XYLT1: variants seen among roughly 807,000 people sequenced by gnomAD.
The protein encoded by XYLT1 is xylosyltransferase 1.
XYLT1 carries 36 observed loss-of-function variants against 91.3 expected under a neutral mutation model. The ratio of observed to expected loss-of-function variants is 0.39; its 90% CI spans 0.30 to 0.52. The LOEUF (loss-of-function observed/expected upper bound fraction) is 0.52. Among genes scored for constraint, XYLT1 ranks in the 20% least tolerant of loss-of-function variants. XYLT1 has a pLI of 0.68. For missense variants in XYLT1, 1,242 were observed against 1,284.5 expected (o/e 0.97, Z 0.51); for synonymous variants, 588 against 532.0 (o/e 1.11, Z -1.45).
rs555601263 is a variant in XYLT1 at position 17,240,387 on chromosome 16, A to G, written c.913+18601T>C. Reference sequence around the variant, plus strand: ...GGCAAGTCTTCAGCAGACGAGCCACACAGTTCCAAGTACATCTTAAGAAGC... The same window carrying G: ...GGCAAGTCTTCAGCAGACGAGCCACGCAGTTCCAAGTACATCTTAAGAAGC... On this transcript the variant is annotated intron_variant, in intron 3 of 11. Coordinates refer to ENST00000261381, the MANE Select transcript of XYLT1 (RefSeq NM_022166.4). 3.9e-5 allele frequency among the ~76,000 whole-genome samples: 6 copies of G among 152,342 alleles called. No individual in the cohort carries two copies. In the South Asian group the frequency reaches 1.2e-3, roughly 32 times the overall value.
chr16:17,129,658 A>C (rs1187667392), intron 9 of XYLT1, among the ~76,000 whole-genome samples: 2 of 152,176 alleles, frequency 1.3e-5, no homozygotes, highest in Admixed American at 6.5e-5. Flanking sequence ...ACTTTGGGAA[A>C]GCTGTCTCCC....
At chr16:17,379,763 T>TCTCACACACACACACACACACACA (rs373354877) in intron 1 of XYLT1, among the ~76,000 whole-genome samples, 10 of 125,622 alleles carry the variant, frequency 8.0e-5, no homozygotes, top group Admixed American at 3.2e-4. Flanking sequence ...TCTCTCTCTC[T>TCTCACACACACACACACACACACA]CACACACACA....
intron 2 of XYLT1, among the ~76,000 whole-genome samples, chr16:17,271,220 AAC>A (rs1467246548): frequency 1.3e-5 from 2 of 152,168 alleles, no homozygotes; most frequent in Admixed American, 6.5e-5. Flanking sequence ...TTACTATTTG[AAC>A]ACAGTTTGCC....
chr16:17,236,921 A>G (rs1263223315), intron 3 of XYLT1, among the ~76,000 whole-genome samples: 1 of 152,126 alleles, frequency 6.6e-6, no homozygotes, highest in Non-Finnish European at 1.5e-5. Flanking sequence ...GGCCACATTC[A>G]CAAGTCCTGG....
intron 3 of XYLT1, among the ~76,000 whole-genome samples, chr16:17,255,334 A>T (rs2033615473): frequency 6.6e-6 from 1 of 152,166 alleles, no homozygotes; most frequent in South Asian, 2.1e-4. Flanking sequence ...ATGGGAACAT[A>T]GCGCATTTGT....
At chr16:17,115,800 TAA>T (rs71137969) in intron 11 of XYLT1, among the ~76,000 whole-genome samples, 3 of 50,316 alleles carry the variant, frequency 6.0e-5, no homozygotes, top group Non-Finnish European at 1.1e-4. Flanking sequence ...TCTGTTATAT[TAA>T]AAAAAAAAAA....
In XYLT1 at chr16:17,127,864, GA is replaced by G. The variant is rs763400350; in HGVS notation, c.2028-4del. The G allele has an allele frequency of 6.2e-7, 1 of 1,612,394 alleles. No homozygotes were observed. Among genetic ancestry groups the G allele is most frequent in the Non-Finnish European group, 8.5e-7 (1 of 1,179,374 alleles). ...CTGGGTGGCCCATTGGGTAGTATCT[GA>G]AAACACAGGCGCTCATGCATTAGGG... On this transcript the variant is annotated splice_polypyrimidine_tract_variant and splice_region_variant and intron_variant, in intron 9 of 11. Coordinates refer to ENST00000261381, the MANE Select transcript of XYLT1 (RefSeq NM_022166.4).
chr16:17,310,514 CTCAGGG>C (rs1421590184), intron 2 of XYLT1, among the ~76,000 whole-genome samples: 1 of 152,098 alleles, frequency 6.6e-6, no homozygotes, highest in Non-Finnish European at 1.5e-5. Context: ...CCTCCTCCTA[CTCAGGG>C]TCAGTAAACA....
chr16:17,335,866 T>G (rs564757295), intron 2 of XYLT1, among the ~76,000 whole-genome samples: 1 of 152,208 alleles, frequency 6.6e-6, no homozygotes, highest in African/African-American at 2.4e-5. Flanking sequence ...GTGGAAAAAC[T>G]AGTATAATTT....
At chr16:17,435,424 C>G (rs1485749439) in intron 1 of XYLT1, among the ~76,000 whole-genome samples, 1 of 152,188 alleles carries the variant, frequency 6.6e-6, no homozygotes, top group Non-Finnish European at 1.5e-5. Context: ...AATCCATTAT[C>G]TGGTCACTTT....
At chr16:17,397,418 T>A (rs1207914252) in intron 1 of XYLT1, among the ~76,000 whole-genome samples, 1 of 152,050 alleles carries the variant, frequency 6.6e-6, no homozygotes, top group Non-Finnish European at 1.5e-5. Flanking sequence ...CTGGGATACA[T>A]CATAATAAAC....
chr16:17,146,336 C>T (rs1168937406), intron 6 of XYLT1, among the ~76,000 whole-genome samples: 1 of 152,196 alleles, frequency 6.6e-6, no homozygotes, highest in African/African-American at 2.4e-5. Context: ...CTTAATTCGG[C>T]TGAAATGTGC....
intron 5 of XYLT1, among the ~76,000 whole-genome samples, chr16:17,184,601 C>G (rs1394916628): frequency 1.3e-5 from 2 of 152,168 alleles, no homozygotes; most frequent in African/African-American, 4.8e-5. Flanking sequence ...CCACAAGGCA[C>G]GTTTCAAGCT....
chr16:17,268,685 T>G (rs926808673), intron 2 of XYLT1, among the ~76,000 whole-genome samples: 2 of 151,740 alleles, frequency 1.3e-5, no homozygotes, highest in Admixed American at 1.3e-4. Flanking sequence ...TTTTTTTTTT[T>G]TCTGAGACGG....
At chr16:17,305,043 T>G (rs1016155331) in intron 2 of XYLT1, among the ~76,000 whole-genome samples, 1 of 152,158 alleles carries the variant, frequency 6.6e-6, no homozygotes, top group African/African-American at 2.4e-5. Flanking sequence ...GGGTGCCCAC[T>G]GTGGGCCGGG....
intron 9 of XYLT1, among the ~76,000 whole-genome samples, chr16:17,131,202 A>C (rs2030458734): frequency 7.2e-6 from 1 of 138,406 alleles, no homozygotes; most frequent in South Asian, 2.5e-4. Flanking sequence ...CTCAAGTTAC[A>C]TCTACAGTCC....
chr16:17,108,189 G>C lies in XYLT1; in HGVS notation c.*506C>G. 6.5e-6 allele frequency: 1 copy of C among 153,196 alleles called. No individual in the cohort carries two copies. The highest frequency in any genetic ancestry group is 6.5e-5 in the Admixed American group (1 of 15,312). 9.5% of individuals were successfully genotyped at this position (153,196 alleles called of 1,614,324 possible). A position where few individuals can be genotyped will look rare whatever the true frequency, so the allele number is the denominator to read the frequency against. On this transcript the variant is annotated 3_prime_UTR_variant, in exon 12 of 12. Transcript: ENST00000261381. Reference sequence around the variant, plus strand: ...TGCTTGTCAAACTGGCATTTGCAGAGCCCTTGGGTTCTGAAGAGGTACCGT... The same window carrying C: ...TGCTTGTCAAACTGGCATTTGCAGACCCCTTGGGTTCTGAAGAGGTACCGT...
chr16:17,136,994 GAATAGGTCAAACAAAC>G (rs1159646146), intron 8 of XYLT1, among the ~76,000 whole-genome samples: 1 of 152,138 alleles, frequency 6.6e-6, no homozygotes, highest in Non-Finnish European at 1.5e-5. Context: ...GGAATTCATT[GAATAGGTCAAACAAAC>G]ATTCCCCTGC....
chr16:17,191,016 C>T lies in XYLT1; in HGVS notation c.1289+7196G>A, dbSNP rs140428393. On this transcript the variant is annotated intron_variant, in intron 5 of 11. Coordinates refer to ENST00000261381, the MANE Select transcript of XYLT1 (RefSeq NM_022166.4). ...AACGATGTAAACAAGCTTGTCCAAC[C>T]CTGCCTTATTTGGTTGTTCTGTTTT... Among the ~76,000 whole-genome samples the T allele has an allele frequency of 1.3e-4, 20 of 152,244 alleles. No individual in the cohort carries two copies. The East Asian group carries it at 3.5e-3, about 26-fold the overall frequency.
Sources: gnomAD v4.1 joint callset for allele counts (sites outside exome capture counted in the v4.1 genomes callset) on GRCh38, gnomAD v4.1.1 for gene constraint, MANE v1.5 for transcripts, NCBI Gene and HGNC (gene_info 2026-07-23, HGNC 2026-07-21) for gene names.